SGCD: variants seen among roughly 807,000 people sequenced by gnomAD.
SGCD encodes delta-sarcoglycan.
Under a neutral mutation model 36.6 loss-of-function variants are expected in SGCD, and 18 were observed. The ratio of observed to expected loss-of-function variants is 0.49; its 90% CI spans 0.34 to 0.73. SGCD has a LOEUF of 0.73. SGCD is among the 30% of genes least tolerant of loss of function. The pLI, the probability that SGCD is intolerant of heterozygous loss-of-function variation, is 0.01. For missense variants in SGCD, 387 were observed against 346.7 expected, an observed-to-expected ratio of 1.12 and a Z score of -0.92; for synonymous variants, 133 against 130.6, an observed-to-expected ratio of 1.02 and a Z score of -0.12.
At chr5:156,647,775 T>C (rs1401706387) in intron 7 of SGCD, among the ~76,000 whole-genome samples, 1 of 152,124 alleles carries the variant, frequency 6.6e-6, no homozygotes, top group Non-Finnish European at 1.5e-5. Context: ...TTCATTCATT[T>C]GGAATGTTTG....
At chr5:156,181,527 T>A (rs78198982) in intron 3 of SGCD, among the ~76,000 whole-genome samples, 3 of 152,168 alleles carry the variant, frequency 2.0e-5, no homozygotes, top group Non-Finnish European at 4.4e-5. Flanking sequence ...TAGGGAGAAC[T>A]CCCCATTCCT....
At chr5:155,815,073 G>A in the SGCD span, among the ~76,000 whole-genome samples, 1 of 151,940 alleles carries the variant, frequency 6.6e-6, no homozygotes, top group South Asian at 2.1e-4. Flanking sequence ...TTTTATTAGT[G>A]TACTTGCTGT....
intron 7 of SGCD, among the ~76,000 whole-genome samples, chr5:156,753,409 C>T (rs1757222910): frequency 6.6e-6 from 1 of 152,160 alleles, no homozygotes; most frequent in Admixed American, 6.5e-5. Context: ...TCCATTTTTC[C>T]TTACTACATG....
chr5:156,744,297 A>G (rs1020144097), intron 7 of SGCD, among the ~76,000 whole-genome samples: 4 of 152,242 alleles, frequency 2.6e-5, no homozygotes, highest in East Asian at 1.9e-4. Context: ...AGCATCTGCC[A>G]TACTCTTTTT....
intron 3 of SGCD, among the ~76,000 whole-genome samples, chr5:156,268,181 C>T (rs1439757541): frequency 6.6e-6 from 1 of 152,180 alleles, no homozygotes; most frequent in Non-Finnish European, 1.5e-5. Flanking sequence ...TTTTTTATGG[C>T]TACATAGTAT....
chr5:156,700,055 TG>T (rs1754470280), intron 7 of SGCD, among the ~76,000 whole-genome samples: 1 of 152,198 alleles, frequency 6.6e-6, no homozygotes, highest in Admixed American at 6.5e-5. Flanking sequence ...TCTTGACTAT[TG>T]CCTGTCCCTA....
intron 1 of SGCD, among the ~76,000 whole-genome samples, chr5:155,924,981 A>G (rs1029175454): frequency 6.6e-6 from 1 of 152,336 alleles, no homozygotes; most frequent in African/African-American, 2.4e-5. Flanking sequence ...CGGGGGTAGA[A>G]TTGTGCTAAT....
chr5:156,721,678 A>G (rs929987603), intron 7 of SGCD, among the ~76,000 whole-genome samples: 2 of 152,198 alleles, frequency 1.3e-5, no homozygotes, highest in African/African-American at 4.8e-5. Context: ...GATACAGAAG[A>G]GAGGCTAGCA....
intron 1 of SGCD, among the ~76,000 whole-genome samples, chr5:156,051,499 A>T (rs904115814): frequency 2.1e-5 from 3 of 146,292 alleles, no homozygotes; most frequent in African/African-American, 7.4e-5. Context: ...TCCAACTTTG[A>T]ATGCTTCCAA....
chr5:156,523,575 AT>A (rs1243368882), intron 4 of SGCD, among the ~76,000 whole-genome samples: 1 of 152,092 alleles, frequency 6.6e-6, no homozygotes, highest in Non-Finnish European at 1.5e-5. Context: ...CTCACACAGT[AT>A]TTTTCTTTTA....
intron 3 of SGCD, among the ~76,000 whole-genome samples, chr5:156,232,347 A>G (rs1178832389): frequency 6.6e-6 from 1 of 152,070 alleles, no homozygotes; most frequent in Admixed American, 6.5e-5. Flanking sequence ...AAACTAGACT[A>G]TTTCACCCTC....
At chr5:156,242,509 A>C (rs1322247406) in intron 3 of SGCD, among the ~76,000 whole-genome samples, 9 of 152,202 alleles carry the variant, frequency 5.9e-5, no homozygotes, top group Non-Finnish European at 1.3e-4. Context: ...AAATCTGAAT[A>C]ATTAGTTAGT....
intron 3 of SGCD, among the ~76,000 whole-genome samples, chr5:156,183,329 A>T (rs1229378143): frequency 6.6e-6 from 1 of 152,228 alleles, no homozygotes; most frequent in African/African-American, 2.4e-5. Flanking sequence ...ATAGGATGAG[A>T]TTGAAATCAC....
At chr5:155,752,673 T>G in the SGCD span, among the ~76,000 whole-genome samples, 1 of 152,194 alleles carries the variant, frequency 6.6e-6, no homozygotes, top group East Asian at 1.9e-4. Context: ...TTGTGATGAT[T>G]TAATCAGTAT....
intron 1 of SGCD, among the ~76,000 whole-genome samples, chr5:156,100,802 A>C (rs1761500535): frequency 6.6e-6 from 1 of 152,232 alleles, no homozygotes; most frequent in Non-Finnish European, 1.5e-5. Context: ...TGATATTTCA[A>C]AGTGGTGTAT....
At chr5:156,364,653 G>A (rs1387268436) in intron 3 of SGCD, among the ~76,000 whole-genome samples, 1 of 152,152 alleles carries the variant, frequency 6.6e-6, no homozygotes, top group African/African-American at 2.4e-5. Context: ...TGTGTATGAA[G>A]TTGGCCTCCC....
chr5:156,158,097 G>A (rs1340922987), intron 3 of SGCD, among the ~76,000 whole-genome samples: 1 of 151,218 alleles, frequency 6.6e-6, no homozygotes, highest in Non-Finnish European at 1.5e-5. Flanking sequence ...TAGCCCTTAG[G>A]TTCCCACTGG....
chr5:156,403,896 C>T (rs1225014654), intron 3 of SGCD, among the ~76,000 whole-genome samples: 5 of 151,126 alleles, frequency 3.3e-5, no homozygotes, highest in Admixed American at 1.3e-4. Context: ...GTGCAGTGTG[C>T]GATCTTGGCT....
At chr5:156,279,415 C>G (rs1031970329) in intron 3 of SGCD, among the ~76,000 whole-genome samples, 1 of 152,084 alleles carries the variant, frequency 6.6e-6, no homozygotes, top group African/African-American at 2.4e-5. Flanking sequence ...CCAATAGATA[C>G]CTCCTCTAAT....
Sources: gnomAD v4.1 joint callset for allele counts (sites outside exome capture counted in the v4.1 genomes callset) on GRCh38, gnomAD v4.1.1 for gene constraint, MANE v1.5 for transcripts, NCBI Gene and HGNC (gene_info 2026-07-23, HGNC 2026-07-21) for gene names.